Variants in NAPEPLD observed in about 807,000 individuals in gnomAD.
NAPEPLD encodes N-acyl phosphatidylethanolamine phospholipase D, also known as N-acyl-phosphatidylethanolamine-hydrolyzing phospholipase D.
Under a neutral mutation model 38.1 loss-of-function variants are expected in NAPEPLD, and 23 were observed. The observed-to-expected ratio is 0.60, with a 90% confidence interval of 0.43 to 0.86. The LOEUF is 0.86. Among genes scored for constraint, NAPEPLD ranks in the 40% least tolerant of loss-of-function variants. The probability of loss-of-function intolerance (pLI) is 0.00; values close to 1 mark genes in which losing one functional copy is unlikely to be tolerated. For synonymous variants in NAPEPLD, 147 were observed against 162.0 expected (o/e 0.91, Z 0.71); for missense variants, 411 against 476.8 (o/e 0.86, Z 1.28).
intron 1 of NAPEPLD, chr7:103,141,629 C>T (rs530748902): frequency 5.8e-5 from 52 of 895,500 alleles, no homozygotes; most frequent in Middle Eastern, 4.3e-4. Flanking sequence ...TCTGAGCAGC[C>T]GGTGCAGAAT....
At chr7:103,127,285 T>C (rs1443181007) in intron 2 of NAPEPLD, 1 of 152,234 alleles carries the variant, frequency 6.6e-6, no homozygotes, top group African/African-American at 2.4e-5. Context: ...ACAGCCACAC[T>C]AGAAATAAAG....
At chr7:103,120,321 T>C in intron 2 of NAPEPLD, 98 bp from the exon 3 acceptor site, 1 of 1,355,144 alleles carries the variant, frequency 7.4e-7, no homozygotes, top group Non-Finnish European at 9.9e-7. Flanking sequence ...CAAGAAGAGC[T>C]GTTTTAAGAG....
chr7:103,149,696 C>G, upstream of NAPEPLD: 1 of 255,952 alleles, frequency 3.9e-6, no homozygotes, highest in Non-Finnish European at 7.8e-6. Flanking sequence ...TGCAGGGACC[C>G]TCCTAAGATC....
At chr7:103,131,803 C>A (rs2129531757) in intron 1 of NAPEPLD, among the ~76,000 whole-genome samples, 1 of 152,288 alleles carries the variant, frequency 6.6e-6, no homozygotes, top group Middle Eastern at 3.4e-3. Flanking sequence ...TGGGGAAACA[C>A]TGAACACACT....
At chr7:103,149,267 G>T (rs1261630257), upstream of NAPEPLD, 2 of 1,031,830 alleles carry the variant, frequency 1.9e-6, no homozygotes, top group Admixed American at 6.1e-5. Flanking sequence ...GAGCGCGGGG[G>T]TGCGGACTCA....
At chr7:103,125,039 A>G (rs543400954) in intron 2 of NAPEPLD, among the ~76,000 whole-genome samples, 1 of 152,366 alleles carries the variant, frequency 6.6e-6, no homozygotes, top group South Asian at 2.1e-4. Context: ...ATGTGACTCA[A>G]ATCCATTTAA....
At chr7:103,137,988 T>TC (rs1232466498) in intron 1 of NAPEPLD, among the ~76,000 whole-genome samples, 4 of 150,618 alleles carry the variant, frequency 2.7e-5, no homozygotes, top group Middle Eastern at 3.2e-3. Flanking sequence ...TTTTTTCTTT[T>TC]TTTTTTTGAG....
At chr7:103,115,221 CTA>C (rs758284596) in intron 3 of NAPEPLD, 47 bp from the exon 4 acceptor site, 1 of 1,347,926 alleles carries the variant, frequency 7.4e-7, no homozygotes, top group Non-Finnish European at 1.0e-6. Flanking sequence ...GAGATATACA[CTA>C]AATTCTAAAA....
At position 103,138,472 on chromosome 7, in the gene NAPEPLD, C is replaced by CG. The variant is rs1360728835; in HGVS notation, c.-16-9681_-16-9680insC. ...CTTTGACTCTACTGAATTCTACAGC[C>CG]CTTTTTTTTTTTTGAGTCAGAGTTT... On this transcript the variant is annotated intron_variant, in intron 1 of 4. Transcript: ENST00000465647. Among the ~76,000 whole-genome samples the CG allele has an allele frequency of 2.4e-4, 9 of 36,852 alleles. No individual in the cohort carries two copies. In the Admixed American group the frequency reaches 4.2e-3, roughly 17 times the overall value. 24.2% of individuals were successfully genotyped at this position (36,852 alleles called of 152,430 possible).
At chr7:103,148,107 G>GA (rs1812952146) in intron 1 of NAPEPLD, 1 of 984,468 alleles carries the variant, frequency 1.0e-6, no homozygotes, top group African/African-American at 1.7e-5. Flanking sequence ...CAATGTAACT[G>GA]AAAATAGAAA....
intron 1 of NAPEPLD, among the ~76,000 whole-genome samples, chr7:103,147,639 A>T (rs552131515): frequency 6.6e-6 from 1 of 152,320 alleles, no homozygotes; most frequent in Admixed American, 6.5e-5. Flanking sequence ...GTATCAACTA[A>T]AGTATAACCA....
In NAPEPLD at chr7:103,128,552, G is replaced by C. The variant is rs369183187; in HGVS notation, c.225C>G (p.Pro75=). The C allele has an allele frequency of 1.5e-5, 24 of 1,614,086 alleles. No individual in the cohort carries two copies. The highest frequency in any genetic ancestry group is 1.9e-5 in the Non-Finnish European group (23 of 1,180,048). The change falls in exon 2 of 5, where the codon CCC becomes CCG. Residue 75 remains proline, a synonymous_variant. Transcript: ENST00000465647. ...FVNPWPTWKN[P]SIPNVLRWLI... ...GCCATCTGAGAACATTTGGAATAGAGGGGTTTTTCCATGTTGGCCACGGAT... is the reference window on the plus strand; with the variant it reads ...GCCATCTGAGAACATTTGGAATAGACGGGTTTTTCCATGTTGGCCACGGAT...
At chr7:103,139,224 G>C (rs1810708518) in intron 1 of NAPEPLD, among the ~76,000 whole-genome samples, 1 of 152,192 alleles carries the variant, frequency 6.6e-6, no homozygotes, top group South Asian at 2.1e-4. Flanking sequence ...CATTTTAAAA[G>C]TTGCATTTAA....
Position 103,102,541 on chromosome 7 carries a change from T to TCAC in NAPEPLD, c.*885_*887dup, listed in dbSNP as rs548901609. On this transcript the variant is annotated 3_prime_UTR_variant, in exon 5 of 5. Coordinates refer to ENST00000465647, the MANE Select transcript of NAPEPLD (RefSeq NM_001122838.3). The stretch of plus-strand genomic sequence containing the variant: ...TTTTTTTTCCGAGAGAGACGGGAGG[T>TCAC]CACCATGTTGCCCAGGTTGATGTCA... 9.4e-5 allele frequency: 14 copies of TCAC among 149,142 alleles called. No individual in the cohort carries two copies. The highest frequency in any genetic ancestry group is 2.7e-4 in the African/African-American group (11 of 40,314). The allele number at this position is 149,142 out of a possible 1,614,324, so 9.2% of individuals were successfully genotyped here. A position where few individuals can be genotyped will look rare whatever the true frequency, so the allele number is the denominator to read the frequency against.
intron 4 of NAPEPLD, 86 bp from the exon 5 acceptor site, chr7:103,103,640 C>T: frequency 7.3e-7 from 1 of 1,364,414 alleles, no homozygotes; most frequent in Non-Finnish European, 9.9e-7. Context: ...CTAAAATAAC[C>T]AACAGATGCC....
At chr7:103,128,178 G>T in intron 2 of NAPEPLD, 1 of 351,412 alleles carries the variant, frequency 2.8e-6, no homozygotes, top group African/African-American at 2.1e-5. Context: ...ATACTTTTTA[G>T]TTGACTAGGC....
chr7:103,105,062 C>T (rs1306515491), intron 4 of NAPEPLD, among the ~76,000 whole-genome samples: 1 of 152,142 alleles, frequency 6.6e-6, no homozygotes, highest in Non-Finnish European at 1.5e-5. Context: ...CTAGATTTAG[C>T]AGTATCTTTC....
intron 2 of NAPEPLD, 173 bp downstream of exon 2, chr7:103,128,310 G>C: frequency 1.4e-6 from 1 of 723,710 alleles, no homozygotes; most frequent in Non-Finnish European, 2.2e-6. Flanking sequence ...ATCAGGGTTG[G>C]TTATTCCTAT....
intron 1 of NAPEPLD, among the ~76,000 whole-genome samples, chr7:103,140,571 T>G (rs1180221600): frequency 6.6e-6 from 1 of 151,970 alleles, no homozygotes; most frequent in Non-Finnish European, 1.5e-5. Flanking sequence ...TTTTTTGTAT[T>G]TTTAGTAGAG....
Sources: allele counts gnomAD v4.1 joint callset (sites outside exome capture counted in the v4.1 genomes callset), GRCh38; gene constraint gnomAD v4.1.1; transcripts MANE v1.5; gene names NCBI Gene and HGNC (gene_info 2026-07-23, HGNC 2026-07-21).